The following KCTD1 variants were observed in gnomAD, a reference collection of about 807,000 sequenced individuals.
KCTD1 encodes potassium channel tetramerization domain containing 1, also known as BTB/POZ domain-containing protein KCTD1.
KCTD1 carries 24 observed loss-of-function variants against 66.0 expected under a neutral mutation model. The observed-to-expected ratio is 0.36, with a 90% confidence interval of 0.26 to 0.51. The LOEUF (loss-of-function observed/expected upper bound fraction) is 0.51. Ranked by LOEUF, KCTD1 falls within the 20% of genes least tolerant of loss-of-function variation. The pLI is 0.95. For missense variants in KCTD1, 943 were observed against 1,205.2 expected (o/e 0.78, Z 3.22); for synonymous variants, 511 against 517.2 (o/e 0.99, Z 0.16).
At chr18:26,458,191 C>A (rs185209265) in intron 4 of KCTD1, 1 of 152,532 alleles carries the variant, frequency 6.6e-6, no homozygotes, top group Non-Finnish European at 1.5e-5. Context: ...CAGCAGCCAG[C>A]CCGCCGCCTG....
rs112897574 is a variant in KCTD1, at chr18:26,501,018, C to CAGTT, written c.1988+53_1988+54insAACT. Reference sequence around the variant, plus strand: ...ACTGCTATGCTGGTCAAAGGAAAAACAGGTTACCAAATACATGCACGTCGG... The same window carrying CAGTT: ...ACTGCTATGCTGGTCAAAGGAAAAACAGTTAGGTTACCAAATACATGCACGTCGG... On this transcript the variant is annotated intron_variant, in intron 2 of 4. Transcript: ENST00000580059. The CAGTT allele has an allele frequency of 2.6e-3, 4,171 of 1,581,094 alleles. 94 individuals carry two copies. The African/African-American group carries it at 0.048, about 18-fold the overall frequency.
intron 1 of KCTD1, among the ~76,000 whole-genome samples, chr18:26,514,139 A>G (rs1598909875): frequency 6.6e-6 from 1 of 152,224 alleles, no homozygotes; most frequent in Admixed American, 6.5e-5. Context: ...AACAGAGAAA[A>G]AATTTGTCTC....
intron 1 of KCTD1, among the ~76,000 whole-genome samples, chr18:26,513,554 C>T (rs747146355): frequency 6.6e-6 from 1 of 152,142 alleles, no homozygotes; most frequent in Non-Finnish European, 1.5e-5. Context: ...AACGTTTTCC[C>T]GAGGATGCAA....
intron 1 of KCTD1, among the ~76,000 whole-genome samples, chr18:26,639,357 G>A (rs941531022): frequency 2.0e-5 from 3 of 152,144 alleles, no homozygotes; most frequent in African/African-American, 7.2e-5. Context: ...AGCAGATGCG[G>A]GGCTCCCGAA....
At chr18:26,563,734 AGG>A (rs1985916898) in intron 1 of KCTD1, among the ~76,000 whole-genome samples, 2 of 152,198 alleles carry the variant, frequency 1.3e-5, no homozygotes. Flanking sequence ...TTTGTAGAAT[AGG>A]GGATTGTTGT....
chr18:26,467,032 G>C (rs956791416), intron 3 of KCTD1, among the ~76,000 whole-genome samples: 1 of 152,080 alleles, frequency 6.6e-6, no homozygotes, highest in South Asian at 2.1e-4. Context: ...TAAATGGAAA[G>C]GTAAAGGTTA....
rs565327562 is a variant in KCTD1 at position 26,527,164 on chromosome 18, T to C, written c.1809+19564A>G. Among the ~76,000 whole-genome samples, 68 of 152,232 alleles carry C rather than the reference T, an allele frequency of 4.5e-4. 1 individual carries two copies. The South Asian group carries it at 5.2e-3, about 12-fold the overall frequency. ...AAGGGCCATACACATCCTCACGGACTGGCCCTCTGCAAGGTGGGAGGTCAG... is the reference window on the plus strand; with the variant it reads ...AAGGGCCATACACATCCTCACGGACCGGCCCTCTGCAAGGTGGGAGGTCAG... On this transcript the variant is annotated intron_variant, in intron 1 of 4. Transcript: ENST00000580059.
intron 1 of KCTD1, among the ~76,000 whole-genome samples, chr18:26,573,155 C>G (rs895704648): frequency 6.6e-6 from 1 of 151,838 alleles, no homozygotes; most frequent in Non-Finnish European, 1.5e-5. Flanking sequence ...ATAATATAAT[C>G]TAGTTTCACC....
intron 1 of KCTD1, among the ~76,000 whole-genome samples, chr18:26,648,098 G>A (rs1378709452): frequency 6.6e-6 from 1 of 151,888 alleles, no homozygotes; most frequent in African/African-American, 2.4e-5. Context: ...CACCCACCTC[G>A]GCCTCCCAAA....
intron 2 of KCTD1, among the ~76,000 whole-genome samples, chr18:26,479,459 A>G (rs1309256157): frequency 2.0e-5 from 3 of 152,194 alleles, no homozygotes; most frequent in Non-Finnish European, 4.4e-5. Context: ...GCTCGGCCAG[A>G]CCCGATGGAA....
chr18:26,643,842 G>A (rs566539257), upstream of KCTD1, among the ~76,000 whole-genome samples: 26 of 152,228 alleles, frequency 1.7e-4, no homozygotes, highest in African/African-American at 4.8e-4. Context: ...GGTGCCTGTA[G>A]TCCCAGCTAC....
At chr18:26,656,318 GC>G (rs1988138457) in intron 1 of KCTD1, among the ~76,000 whole-genome samples, 2 of 151,868 alleles carry the variant, frequency 1.3e-5, no homozygotes, top group African/African-American at 4.8e-5. Context: ...TCCCAGCGCC[GC>G]CCCCACCCCC....
At chr18:26,650,455 G>A (rs955072690) in intron 1 of KCTD1, among the ~76,000 whole-genome samples, 5 of 152,190 alleles carry the variant, frequency 3.3e-5, no homozygotes, top group African/African-American at 4.8e-5. Flanking sequence ...TGCTTATTTT[G>A]TGCTAGGCAT....
chr18:26,576,066 T>C (rs1471072887), intron 1 of KCTD1, among the ~76,000 whole-genome samples: 1 of 152,222 alleles, frequency 6.6e-6, no homozygotes, highest in Non-Finnish European at 1.5e-5. Context: ...GTAGATAGCA[T>C]CGCCTCCAGG....
chr18:26,553,250 G>A (rs1296761194), upstream of KCTD1, among the ~76,000 whole-genome samples: 1 of 152,072 alleles, frequency 6.6e-6, no homozygotes, highest in African/African-American at 2.4e-5. Flanking sequence ...CTGTCTCAGA[G>A]TTTAGCTATT....
At chr18:26,655,901 T>C (rs567043353) in intron 1 of KCTD1, 2 of 152,370 alleles carry the variant, frequency 1.3e-5, no homozygotes, top group African/African-American at 4.8e-5. Context: ...ACCTCACTTT[T>C]AACGCGAATT....
chr18:26,549,468 T>C (rs970772597), upstream of KCTD1: 1 of 983,632 alleles, frequency 1.0e-6, no homozygotes. Flanking sequence ...CAGAGAAGAC[T>C]GGGAGGGGCC....
intron 1 of KCTD1, among the ~76,000 whole-genome samples, chr18:26,515,776 C>T (rs1055704184): frequency 9.2e-5 from 14 of 152,218 alleles, no homozygotes; most frequent in African/African-American, 3.4e-4. Context: ...TCCCAAAGTG[C>T]TAGGATTACA....
intron 1 of KCTD1, among the ~76,000 whole-genome samples, chr18:26,556,890 T>C (rs1057074427): frequency 2.0e-5 from 3 of 152,208 alleles, no homozygotes; most frequent in African/African-American, 7.2e-5. Context: ...TTGGGTGTTA[T>C]TTCTGTGAAT....
Sources: gnomAD v4.1 joint callset for allele counts (sites outside exome capture counted in the v4.1 genomes callset) on GRCh38, gnomAD v4.1.1 for gene constraint, MANE v1.5 for transcripts, NCBI Gene and HGNC (gene_info 2026-07-23, HGNC 2026-07-21) for gene names.